The following USP9Y variants were observed in gnomAD, a reference collection of about 807,000 sequenced individuals.
The protein encoded by USP9Y is ubiquitin specific peptidase 9 Y-linked, also known as ubiquitin carboxyl-terminal hydrolase 9Y.
In USP9Y, 41 loss-of-function variants were observed where a neutral mutation model predicts 53.1. The observed-to-expected ratio is 0.77, with a 90% confidence interval of 0.60 to 1.00. USP9Y has a LOEUF of 1.00. USP9Y is among the 50% of genes least tolerant of loss of function. The probability of loss-of-function intolerance (pLI) is 0.00; values close to 1 mark genes in which losing one functional copy is unlikely to be tolerated. For missense variants in USP9Y, 567 were observed against 535.8 expected (o/e 1.06, Z -0.58); for synonymous variants, 220 against 173.7 (o/e 1.27, Z -2.09).
intron 5 of USP9Y, 26 bp from the exon 6 acceptor site, chrY:12,725,087 C>T: frequency 2.8e-6 from 1 of 357,317 alleles, no homozygotes; most frequent in South Asian, 3.1e-5. Flanking sequence ...TTTTTTTAAA[C>T]ATTCTTTGTT....
intron 5 of USP9Y, among the ~76,000 whole-genome samples, chrY:12,722,993 A>G (rs2148280357): frequency 1.9e-4 from 6 of 32,068 alleles, no homozygotes; most frequent in Non-Finnish European, 3.8e-4. Flanking sequence ...CAGCCCCCCA[A>G]GTAGCTGGGA....
chrY:12,810,882 T>C (rs9786672), intron 29 of USP9Y, 64 bp downstream of exon 29: 1 of 299,601 alleles, frequency 3.3e-6, no homozygotes. Flanking sequence ...TAAAAGGAGG[T>C]TTGTAGTCTT....
chrY:12,714,804 C>T, intron 3 of USP9Y, among the ~76,000 whole-genome samples: 1 of 32,225 alleles, frequency 3.1e-5, no homozygotes, highest in Non-Finnish European at 7.5e-5. Flanking sequence ...GAATTTGATG[C>T]TTGCTCTGTC....
chrY:12,809,285 C>T, intron 27 of USP9Y, among the ~76,000 whole-genome samples: 6 of 32,944 alleles, frequency 1.8e-4, no homozygotes, highest in African/African-American at 7.0e-4. Flanking sequence ...GAGTCTCAGA[C>T]ACCTTTAGGA....
At chrY:12,783,795 T>C (rs1056105747) in intron 22 of USP9Y, among the ~76,000 whole-genome samples, 10 of 33,583 alleles carry the variant, frequency 3.0e-4, no homozygotes, top group Admixed American at 5.4e-4. Flanking sequence ...TTACCTCCAA[T>C]TTTAGTTCAG....
At chrY:12,821,578 T>G in intron 33 of USP9Y, among the ~76,000 whole-genome samples, 1 of 32,713 alleles carries the variant, frequency 3.1e-5, no homozygotes, top group Non-Finnish European at 7.5e-5. Flanking sequence ...ATGTCTAATT[T>G]TTTGTGGAGC....
At chrY:12,725,000 C>T in intron 5 of USP9Y, 113 bp from the exon 6 acceptor site, 1 of 181,632 alleles carries the variant, frequency 5.5e-6, no homozygotes, top group South Asian at 3.9e-5. Context: ...TTTCAAAAGC[C>T]ACAACACTAT....
Position 12,701,871 on chromosome Y carries a change from G to A in USP9Y, c.-305G>A. On this transcript the variant is annotated 5_prime_UTR_variant, in exon 1 of 46. Coordinates refer to ENST00000338981, the MANE Select transcript of USP9Y (RefSeq NM_004654.4). ...GGAATTAGCGAGCTTGAAACTAAGA[G>A]CTGGTTTGAATGAGACTGGGTCATA... The A allele has an allele frequency of 3.0e-5, 1 of 33,828 alleles. No homozygotes were observed. The highest frequency in any genetic ancestry group is 7.3e-5 in the Non-Finnish European group (1 of 13,638). 8.4% of individuals were successfully genotyped at this position (33,828 alleles called of 400,897 possible).
chrY:12,841,312 T>G, intron 37 of USP9Y, among the ~76,000 whole-genome samples, 179 bp downstream of exon 37: 1 of 33,554 alleles, frequency 3.0e-5, no homozygotes, highest in Non-Finnish European at 7.4e-5. Context: ...TGGCTCCTAG[T>G]CCTGTGAATT....
intron 11 of USP9Y, among the ~76,000 whole-genome samples, chrY:12,739,001 C>G (rs376372518): frequency 0.049 from 1,637 of 33,229 alleles, no homozygotes; most frequent in Middle Eastern, 0.38. Context: ...AAAAAACATA[C>G]GATTATTATA....
chrY:12,748,058 G>A, intron 12 of USP9Y, among the ~76,000 whole-genome samples: 6 of 33,181 alleles, frequency 1.8e-4, no homozygotes, highest in African/African-American at 7.1e-4. Flanking sequence ...GAGAAGCTGA[G>A]ACATGAGAAT....
intron 1 of USP9Y, among the ~76,000 whole-genome samples, chrY:12,705,857 G>T: frequency 1.8e-4 from 6 of 33,460 alleles, no homozygotes; most frequent in African/African-American, 4.6e-4. Context: ...TATAGGGAAG[G>T]ATAAGGTTGA....
At chrY:12,839,375 A>G in intron 35 of USP9Y, among the ~76,000 whole-genome samples, 6 of 33,359 alleles carry the variant, frequency 1.8e-4, no homozygotes, top group Non-Finnish European at 2.2e-4. Flanking sequence ...TGCAAACACC[A>G]TTTCCTCTAA....
chrY:12,856,946 A>G, intron 44 of USP9Y, 101 bp downstream of exon 44: 1 of 205,655 alleles, frequency 4.9e-6, no homozygotes, highest in Non-Finnish European at 8.0e-6. Context: ...TTGTGCTTAA[A>G]AAAATCATGT....
rs770938806 is a variant in USP9Y, at chrY:12,840,089, T to C, written c.5563T>C (p.Ser1855Pro). The C allele has an allele frequency of 1.3e-5, 5 of 396,613 alleles. No homozygotes were observed. The Admixed American group carries it at 3.8e-4, about 30-fold the overall frequency. ...ENELIEQKEQ[S>P]DNETAGGTKY... ...TGAGTTGATTGAACAGAAAGAGCAG[T>C]CTGACAATGAAACTGCAGGAGGCAC... The change falls in exon 36 of 46, where the codon TCT becomes CCT. Residue 1855 changes from serine to proline, a missense_variant. Physicochemically the swap from Ser to Pro is moderately conservative, Grantham distance 74. Transcript: ENST00000338981.
At chrY:12,724,916 A>G (rs2053439726) in intron 5 of USP9Y, among the ~76,000 whole-genome samples, 197 bp from the exon 6 acceptor site, 1 of 32,936 alleles carries the variant, frequency 3.0e-5, no homozygotes, top group Non-Finnish European at 7.4e-5. Flanking sequence ...AATTTCCTGA[A>G]TATTATATTT....
rs771290675 is a variant in USP9Y, at chrY:12,845,314, A to G, written c.6569-1019A>G. Among the ~76,000 whole-genome samples, 4 of 33,541 alleles carry G rather than the reference A, an allele frequency of 1.2e-4. No homozygotes were observed. The South Asian group carries it at 2.0e-3, about 17-fold the overall frequency. 90.0% of individuals were successfully genotyped at this position (33,541 alleles called of 37,273 possible). A position where few individuals can be genotyped will look rare whatever the true frequency, so the allele number is the denominator to read the frequency against. On this transcript the variant is annotated intron_variant, in intron 39 of 45. Transcript: ENST00000338981. Reference sequence around the variant, plus strand: ...GTATGAACAGATGCAGGAGCTCTTTATGAGTTAGAATCAGCAGGAGTTGGT... The same window carrying G: ...GTATGAACAGATGCAGGAGCTCTTTGTGAGTTAGAATCAGCAGGAGTTGGT...
Position 12,847,138 on chromosome Y carries a change from C to T in USP9Y, c.6960C>T (p.Ser2320=). 6 of 397,814 alleles carry T rather than the reference C, an allele frequency of 1.5e-5. No individual in the cohort carries two copies. Among genetic ancestry groups the T allele is most frequent in the South Asian group, 3.0e-5 (1 of 33,755 alleles). The change falls in exon 41 of 46, where the codon AGC becomes AGT. Residue 2320 remains serine (S), a synonymous_variant. Transcript: ENST00000338981. ...ENPQFSSTVL[S]ELLWQVAYSY... is the part of the protein sequence containing the mutation. ...CTCAGTTCTCATCTACTGTCCTCAG[C>T]GAACTTCTCTGGCAGGTGAAAGAAA...
intron 12 of USP9Y, among the ~76,000 whole-genome samples, chrY:12,740,885 A>G: frequency 3.2e-5 from 1 of 31,515 alleles, no homozygotes; most frequent in Non-Finnish European, 7.7e-5. Flanking sequence ...TAATTCATAA[A>G]TTCTCAAGAT....
Sources: gnomAD v4.1 joint callset for allele counts (sites outside exome capture counted in the v4.1 genomes callset) on GRCh38, gnomAD v4.1.1 for gene constraint, MANE v1.5 for transcripts, NCBI Gene and HGNC (gene_info 2026-07-23, HGNC 2026-07-21) for gene names.